The following UTP4 variants were observed in gnomAD, a reference collection of about 807,000 sequenced individuals.
The protein encoded by UTP4 is U3 small nucleolar RNA-associated protein 4 homolog.
Under a neutral mutation model 82.4 loss-of-function variants are expected in UTP4, and 45 were observed. That is an observed-to-expected ratio of 0.55 (90% CI 0.43 to 0.70). The LOEUF (loss-of-function observed/expected upper bound fraction) is 0.70, where lower values mean the gene tolerates loss of function less well. UTP4 is among the 30% of genes least tolerant of loss of function. The probability of loss-of-function intolerance (pLI) is 0.00; values close to 1 mark genes in which losing one functional copy is unlikely to be tolerated. For synonymous variants in UTP4, 348 were observed against 300.3 expected (o/e 1.16, Z -1.64); for missense variants, 819 against 858.3 (o/e 0.95, Z 0.57).
intron 8 of UTP4, 151 bp from the exon 9 acceptor site, chr16:69,153,433 A>G: frequency 1.5e-6 from 1 of 685,990 alleles, no homozygotes; most frequent in East Asian, 2.7e-5. Flanking sequence ...ATCTCAGGGC[A>G]GTGCCTGGCA....
At chr16:69,167,261 A>C (rs942223878) in intron 16 of UTP4, 76 bp downstream of exon 16, 1 of 966,256 alleles carries the variant, frequency 1.0e-6, no homozygotes, top group Non-Finnish European at 1.6e-6. Context: ...CCACAATCGG[A>C]AGATAAGAGC....
chr16:69,164,616 GTA>G (rs1385908226), intron 14 of UTP4, among the ~76,000 whole-genome samples: 1 of 104,842 alleles, frequency 9.5e-6, no homozygotes, highest in Non-Finnish European at 2.1e-5. Context: ...ATATATATAT[GTA>G]TATATATATC....
intron 10 of UTP4, among the ~76,000 whole-genome samples, chr16:69,154,832 G>A (rs914873605): frequency 3.3e-5 from 5 of 151,950 alleles, no homozygotes; most frequent in African/African-American, 4.8e-5. Context: ...GGGTTCAAGC[G>A]ATTCTCCTGC....
intron 12 of UTP4, 48 bp from the exon 13 acceptor site, chr16:69,160,308 C>A: frequency 6.9e-7 from 1 of 1,448,232 alleles, no homozygotes; most frequent in Non-Finnish European, 9.7e-7. Flanking sequence ...GCAGGTCTGG[C>A]TGTGGACACT....
Position 69,154,410 on chromosome 16 carries a change from C to G in UTP4, c.1117C>G (p.Leu373Val). Residue 373 changes from leucine (L) to valine (V), a missense_variant, in exon 10 of 17, where the codon CTT becomes GTT. Physicochemically the swap from Leu to Val is conservative, Grantham distance 32. Transcript: ENST00000314423. Reference protein sequence around the residue: ...TVATGKNGDTLPLSKNADHLL... With the variant: ...TVATGKNGDTVPLSKNADHLL... Reference sequence around the variant, plus strand: ...TGTTTCAGGCAAGAATGGGGATACTCTTCCACTCTCTAAAAATGCAGATCA... The same window carrying G: ...TGTTTCAGGCAAGAATGGGGATACTGTTCCACTCTCTAAAAATGCAGATCA... The G allele has an allele frequency of 6.2e-7, 1 of 1,612,204 alleles. No individual in the cohort carries two copies. Among genetic ancestry groups the G allele is most frequent in the South Asian group, 1.1e-5 (1 of 91,014 alleles).
At chr16:69,165,608 C>A in intron 15 of UTP4, 82 bp downstream of exon 15, 1 of 1,145,094 alleles carries the variant, frequency 8.7e-7, no homozygotes, top group East Asian at 2.4e-5. Context: ...GGTAAGAGGA[C>A]AGAGACTCAG....
chr16:69,157,392 A>G, intron 12 of UTP4, 152 bp downstream of exon 12: 2 of 790,302 alleles, frequency 2.5e-6, no homozygotes, highest in South Asian at 3.0e-5. Flanking sequence ...AGGAGGAGAT[A>G]GCTGGCAGAT....
In UTP4 at chr16:69,160,384, A is replaced by G. The variant is rs760916312; in HGVS notation, c.1473A>G (p.Ala491=). 5.6e-6 allele frequency: 9 copies of G among 1,614,114 alleles called. 1 individual carries two copies. The South Asian group carries it at 9.9e-5, about 18-fold the overall frequency. The change falls in exon 13 of 17, where the codon GCA becomes GCG. Residue 491 remains alanine, a synonymous_variant. Transcript: ENST00000314423. ...CAGTGGAGGCCATGTGTCTTTTGGC[A>G]GTCAGTCCAGATGGGAATTGGCTAG... ...SGTVEAMCLL[A]VSPDGNWLAA...
At chr16:69,158,754 T>G (rs1963489048) in intron 12 of UTP4, among the ~76,000 whole-genome samples, 1 of 152,180 alleles carries the variant, frequency 6.6e-6, no homozygotes, top group African/African-American at 2.4e-5. Context: ...GTCACTTAGC[T>G]TGCACTGTTC....
intron 5 of UTP4, among the ~76,000 whole-genome samples, chr16:69,140,727 C>G (rs1962937389): frequency 6.6e-6 from 1 of 151,880 alleles, no homozygotes; most frequent in Non-Finnish European, 1.5e-5. Flanking sequence ...CCTTCTATAT[C>G]TCTCTCACTC....
intron 6 of UTP4, among the ~76,000 whole-genome samples, chr16:69,143,866 A>G (rs1278475347): frequency 6.7e-6 from 1 of 148,688 alleles, no homozygotes; most frequent in East Asian, 2.0e-4. Context: ...CCTGGCCAAA[A>G]TGTCTTATTT....
intron 14 of UTP4, among the ~76,000 whole-genome samples, 194 bp downstream of exon 14, chr16:69,163,372 T>C (rs1963613663): frequency 6.6e-6 from 1 of 152,130 alleles, no homozygotes; most frequent in Non-Finnish European, 1.5e-5. Flanking sequence ...TTTGATGGGA[T>C]GCAATTTAAA....
intron 5 of UTP4, chr16:69,142,091 C>A (rs1235696873): frequency 1.3e-5 from 2 of 150,388 alleles, no homozygotes; most frequent in Admixed American, 6.7e-5. Flanking sequence ...TTCTGTTAGT[C>A]CGTTTGGCCT....
At chr16:69,156,536 G>T (rs1032029884) in intron 11 of UTP4, among the ~76,000 whole-genome samples, 3 of 148,890 alleles carry the variant, frequency 2.0e-5, no homozygotes, top group African/African-American at 7.5e-5. Context: ...TCAGCTCACC[G>T]CAATCTCTGC....
rs1963011512 is a variant in UTP4 at position 69,143,203 on chromosome 16, G to A, written c.552G>A (p.Val184=). The change falls in exon 6 of 17, where the codon GTG becomes GTA. Residue 184 remains valine (V), a synonymous_variant. Transcript: ENST00000314423. ...GCAGCGCTGTTCATAAGATGATTGT[G>A]GACAGGCAGTATATGGGCGTGTCTA... ...KSGSAVHKMI[V]DRQYMGVSKR... 6.2e-7 allele frequency: 1 copy of A among 1,614,088 alleles called. No individual in the cohort carries two copies. The highest frequency in any genetic ancestry group is 1.7e-5 in the Admixed American group (1 of 60,010).
chr16:69,168,675 G>T, intron 16 of UTP4, 146 bp from the exon 17 acceptor site: 1 of 722,016 alleles, frequency 1.4e-6, no homozygotes, highest in South Asian at 1.5e-5. Flanking sequence ...GAGTCCCAGG[G>T]CAGGAAAGAT....
chr16:69,137,339 G>T (rs1342591721), intron 3 of UTP4, among the ~76,000 whole-genome samples: 1 of 152,174 alleles, frequency 6.6e-6, no homozygotes, highest in Non-Finnish European at 1.5e-5. Context: ...CACACACTGA[G>T]CCCCTTCCCA....
At chr16:69,149,791 C>T (rs145678173) in intron 6 of UTP4, among the ~76,000 whole-genome samples, 5 of 151,924 alleles carry the variant, frequency 3.3e-5, no homozygotes, top group South Asian at 2.1e-4. Context: ...TGCAGTGGTG[C>T]GATCTTGGCG....
intron 14 of UTP4, among the ~76,000 whole-genome samples, chr16:69,164,589 TATATATATA>T (rs1963650094): frequency 6.9e-5 from 4 of 57,818 alleles, no homozygotes; most frequent in Admixed American, 6.3e-4. Flanking sequence ...TCATTCTTTA[TATATATATA>T]TATATATATA....
Sources: allele counts gnomAD v4.1 joint callset (sites outside exome capture counted in the v4.1 genomes callset), GRCh38; gene constraint gnomAD v4.1.1; transcripts MANE v1.5; gene names NCBI Gene and HGNC (gene_info 2026-07-23, HGNC 2026-07-21).